Variants in PCSK5 observed in about 807,000 individuals in gnomAD.
PCSK5 encodes the protein prohormone convertase 5.
Under a neutral mutation model 233.2 loss-of-function variants are expected in PCSK5, and 129 were observed. The ratio of observed to expected loss-of-function variants is 0.55; its 90% CI spans 0.48 to 0.64. PCSK5 has a LOEUF of 0.64. PCSK5 is among the 30% of genes least tolerant of loss of function. PCSK5 has a pLI of 0.00. For missense variants in PCSK5, 2,076 were observed against 2,430.1 expected (o/e 0.85, Z 3.06); for synonymous variants, 825 against 879.2 (o/e 0.94, Z 1.09).
At chr9:75,903,590 A>G (rs201810217) in intron 1 of PCSK5, among the ~76,000 whole-genome samples, 1 of 122,746 alleles carries the variant, frequency 8.1e-6, no homozygotes, top group South Asian at 2.2e-4. Flanking sequence ...ATATATATAA[A>G]ATATATATTA....
intron 7 of PCSK5, among the ~76,000 whole-genome samples, chr9:76,085,600 A>G (rs1831033003): frequency 6.6e-6 from 1 of 152,202 alleles, no homozygotes; most frequent in African/African-American, 2.4e-5. Context: ...TAACAGCTGT[A>G]ATTTTCTCTA....
At chr9:76,000,763 C>T (rs1317840587) in intron 3 of PCSK5, among the ~76,000 whole-genome samples, 2 of 152,194 alleles carry the variant, frequency 1.3e-5, no homozygotes, top group East Asian at 1.9e-4. Flanking sequence ...ACTGCCCCAT[C>T]TTTGGCTAGA....
At chr9:76,080,592 C>T (rs1203475677) in intron 7 of PCSK5, among the ~76,000 whole-genome samples, 1 of 152,152 alleles carries the variant, frequency 6.6e-6, no homozygotes, top group Non-Finnish European at 1.5e-5. Flanking sequence ...ATGTTATAAA[C>T]ATACATGGTG....
intron 2 of PCSK5, among the ~76,000 whole-genome samples, chr9:75,945,397 C>T (rs1456641169): frequency 6.6e-6 from 1 of 151,968 alleles, no homozygotes; most frequent in Non-Finnish European, 1.5e-5. Flanking sequence ...ATATTGTTGG[C>T]CCCACCACTA....
rs367824093 is a variant in PCSK5, at chr9:76,052,577, A to G, written c.633-15378A>G. ...AATTACCTCCCAATGGGTCCCTCCC[A>G]CGATGCGTGGGGATTATGGCAGCTA... On this transcript the variant is annotated intron_variant, in intron 5 of 37. Transcript: ENST00000674117. Among the ~76,000 whole-genome samples, 335 of 152,318 alleles carry G rather than the reference A, an allele frequency of 2.2e-3. 16 individuals are homozygous for G. The South Asian group carries it at 0.064, about 29-fold the overall frequency.
At chr9:76,142,796 A>G (rs1400228172) in intron 10 of PCSK5, among the ~76,000 whole-genome samples, 7 of 152,182 alleles carry the variant, frequency 4.6e-5, no homozygotes, top group Non-Finnish European at 7.4e-5. Context: ...AACTCACTAC[A>G]TGATAGTCAC....
chr9:76,021,019 C>T (rs920981722), intron 3 of PCSK5, among the ~76,000 whole-genome samples: 7 of 149,994 alleles, frequency 4.7e-5, no homozygotes, highest in Non-Finnish European at 7.4e-5. Flanking sequence ...TTCTGAAAAA[C>T]GGAGGCATTT....
intron 3 of PCSK5, among the ~76,000 whole-genome samples, chr9:75,992,680 A>G (rs1219834860): frequency 6.6e-6 from 1 of 152,174 alleles, no homozygotes; most frequent in Non-Finnish European, 1.5e-5. Flanking sequence ...AGTAATTCAT[A>G]TGACTGGTAC....
intron 2 of PCSK5, among the ~76,000 whole-genome samples, chr9:75,969,872 CT>C (rs35326945): frequency 0.028 from 3,886 of 138,308 alleles, 151 homozygotes; most frequent in African/African-American, 0.091. Flanking sequence ...TCCAGAAATC[CT>C]TTTTTTTTTT....
chr9:76,257,881 A>G (rs908440527), intron 24 of PCSK5, among the ~76,000 whole-genome samples: 1 of 152,124 alleles, frequency 6.6e-6, no homozygotes, highest in African/African-American at 2.4e-5. Context: ...GTAGCAACCA[A>G]CTTTCCTTTA....
chr9:76,006,175 G>A (rs1173325734), intron 3 of PCSK5, among the ~76,000 whole-genome samples: 1 of 151,804 alleles, frequency 6.6e-6, no homozygotes, highest in African/African-American at 2.4e-5. Context: ...TTATTCTTAG[G>A]CATTTGAATT....
rs1828842527 is a variant in PCSK5 at position 76,310,758 on chromosome 9, T to C, written c.3791T>C (p.Ile1264Thr). Reference sequence around the variant, plus strand: ...GAGAACTGTACGGAGGCCTGTGCCATCTGCTCTGGAGCCGATCTTTGCAAA... The same window carrying C: ...GAGAACTGTACGGAGGCCTGTGCCACCTGCTCTGGAGCCGATCTTTGCAAA... Reference protein sequence around the residue: ...SCENCTEACAICSGADLCKKC... With the variant: ...SCENCTEACATCSGADLCKKC... Residue 1264 changes from isoleucine to threonine, a missense_variant, in exon 30 of 38, where the codon ATC (isoleucine) becomes ACC (threonine). Physicochemically the swap from Ile to Thr is moderately conservative, Grantham distance 89. Coordinates refer to ENST00000674117, the MANE Select transcript of PCSK5 (RefSeq NM_001372043.1). 3.1e-6 allele frequency: 5 copies of C among 1,612,526 alleles called. No individual in the cohort carries two copies. In the East Asian group the frequency reaches 6.7e-5, roughly 22 times the overall value.
intron 12 of PCSK5, among the ~76,000 whole-genome samples, chr9:76,159,750 G>T (rs374123010): frequency 6.6e-6 from 1 of 151,232 alleles, no homozygotes; most frequent in Admixed American, 6.6e-5. Context: ...ACTGAGAGGC[G>T]CAGGCTAGAT....
At chr9:76,169,969 A>G in intron 13 of PCSK5, 129 bp downstream of exon 13, 2 of 704,844 alleles carry the variant, frequency 2.8e-6, no homozygotes, top group Admixed American at 2.5e-5. Flanking sequence ...TGTGCTTTGA[A>G]TTACCTGCAT....
chr9:76,039,068 T>C (rs1347123629), intron 5 of PCSK5, among the ~76,000 whole-genome samples: 1 of 152,128 alleles, frequency 6.6e-6, no homozygotes, highest in Non-Finnish European at 1.5e-5. Flanking sequence ...CAAATGCAAA[T>C]ATGAGGAGGT....
At chr9:76,049,563 T>TGTGCAGA (rs1240064859) in intron 5 of PCSK5, among the ~76,000 whole-genome samples, 1 of 152,214 alleles carries the variant, frequency 6.6e-6, no homozygotes, top group African/African-American at 2.4e-5. Flanking sequence ...CAGCACTCCC[T>TGTGCAGA]GTGCAGAGTG....
intron 24 of PCSK5, among the ~76,000 whole-genome samples, chr9:76,254,704 C>T (rs1006466965): frequency 7.9e-5 from 12 of 152,270 alleles, no homozygotes; most frequent in African/African-American, 2.2e-4. Context: ...AAAATGTATT[C>T]GCCCATATAA....
intron 5 of PCSK5, among the ~76,000 whole-genome samples, chr9:76,041,535 CTT>C (rs1829115750): frequency 6.6e-6 from 1 of 152,120 alleles, no homozygotes; most frequent in Admixed American, 6.5e-5. Context: ...TGTCCAAACT[CTT>C]TAAATGTATG....
At position 76,358,712 on chromosome 9, in the gene PCSK5, C is replaced by T. The variant is rs768645573; in HGVS notation, c.5454C>T (p.Ser1818=). The T allele has an allele frequency of 1.2e-6, 2 of 1,612,876 alleles. No homozygotes were observed. The highest frequency in any genetic ancestry group is 3.3e-5 in the Admixed American group (2 of 60,022). The change falls in exon 38 of 38, where the codon TCC becomes TCT. Residue 1818 remains serine (S), a synonymous_variant. Coordinates refer to ENST00000674117, the MANE Select transcript of PCSK5 (RefSeq NM_001372043.1). ...KLADPNKSYS[S]YKSSYRESTS... is the part of the protein sequence containing the mutation. ...CCGACCCCAACAAGTCTTACTCCTCCTATAAGAGCAGCTATAGAGAGAGCA... is the reference window on the plus strand; with the variant it reads ...CCGACCCCAACAAGTCTTACTCCTCTTATAAGAGCAGCTATAGAGAGAGCA...
Sources: allele counts gnomAD v4.1 joint callset (sites outside exome capture counted in the v4.1 genomes callset), GRCh38; gene constraint gnomAD v4.1.1; transcripts MANE v1.5; gene names NCBI Gene and HGNC (gene_info 2026-07-23, HGNC 2026-07-21).